Variants in ATP2C2 observed in about 807,000 individuals in gnomAD.
ATP2C2 encodes ATPase secretory pathway Ca2+ transporting 2, also known as calcium-transporting ATPase type 2C member 2.
In ATP2C2, 171 loss-of-function variants were observed where a neutral mutation model predicts 110.8. That is an observed-to-expected ratio of 1.54 (90% confidence interval 1.36 to 1.75). The LOEUF (loss-of-function observed/expected upper bound fraction) is 1.75, where lower values mean the gene tolerates loss of function less well. ATP2C2 is among the 40% of genes most tolerant of loss of function. ATP2C2 has a pLI of 0.00. For synonymous variants in ATP2C2, 804 were observed against 508.4 expected (o/e 1.58, Z -7.82); for missense variants, 1,963 against 1,235.0 (o/e 1.59, Z -8.84).
At chr16:84,396,967 C>A (rs145971369) in intron 1 of ATP2C2, among the ~76,000 whole-genome samples, 1 of 151,714 alleles carries the variant, frequency 6.6e-6, no homozygotes, top group Non-Finnish European at 1.5e-5. Flanking sequence ...TTGGGGAGGG[C>A]GGCTGTCAAG....
rs201509217 is a variant in ATP2C2 at position 84,452,063 on chromosome 16, G to T, written c.1803G>T (p.Gly601=). ...ESGVSVKMIT[G]DALETALAIG... is the part of the protein sequence containing the mutation. The stretch of plus-strand genomic sequence containing the variant: ...GTGTGTCTGTGAAGATGATAACGGG[G>T]GATGCCCTGGAGACGGCCTTGGCCA... Residue 601 remains glycine, a synonymous_variant, in exon 18 of 27, where the codon GGG becomes GGT. Coordinates refer to ENST00000262429, the MANE Select transcript of ATP2C2 (RefSeq NM_014861.4). 73 of 1,613,990 alleles carry T rather than the reference G, an allele frequency of 4.5e-5. No homozygotes were observed. Among genetic ancestry groups the T allele is most frequent in the Non-Finnish European group, 5.8e-5 (68 of 1,180,010 alleles).
intron 7 of ATP2C2, among the ~76,000 whole-genome samples, chr16:84,421,448 C>G (rs925072634): frequency 5.3e-5 from 8 of 152,012 alleles, no homozygotes; most frequent in African/African-American, 1.9e-4. Context: ...GTCGCAGGTC[C>G]CTGTTTGAGA....
At chr16:84,450,117 C>A (rs887403857) in intron 17 of ATP2C2, among the ~76,000 whole-genome samples, 2 of 152,214 alleles carry the variant, frequency 1.3e-5, no homozygotes, top group Admixed American at 6.5e-5. Flanking sequence ...GGGTCAGTGG[C>A]GGAGGAGCAG....
At chr16:84,370,183 G>A (rs1909870164) in intron 1 of ATP2C2, among the ~76,000 whole-genome samples, 2 of 152,210 alleles carry the variant, frequency 1.3e-5, no homozygotes, top group Non-Finnish European at 2.9e-5. Flanking sequence ...GGGAGAGTTT[G>A]ATCTCTGTGC....
chr16:84,387,190 G>A (rs2151404906), intron 1 of ATP2C2, among the ~76,000 whole-genome samples: 1 of 152,234 alleles, frequency 6.6e-6, no homozygotes, highest in Middle Eastern at 3.4e-3. Flanking sequence ...TCTCCTGGAG[G>A]GCTTGCATGT....
In ATP2C2 at chr16:84,461,783, CTCT is replaced by C. The variant is rs1911372845; in HGVS notation, c.2554_2556del (p.Phe852del). ...GTTCACTTGTTTTGTGTTTTTCGAT[CTCT>C]TCAACGCCTTGACCTGCCGCTCTCA... On this transcript the variant is annotated inframe_deletion, in exon 25 of 27. Transcript: ENST00000262429. The C allele has an allele frequency of 2.5e-6, 4 of 1,614,088 alleles. No individual in the cohort carries two copies. Among genetic ancestry groups the C allele is most frequent in the Middle Eastern group, 1.6e-4 (1 of 6,084 alleles).
At chr16:84,412,558 GTGTGTGTGTGTA>G (rs1307157560) in intron 6 of ATP2C2, among the ~76,000 whole-genome samples, 9 of 42,558 alleles carry the variant, frequency 2.1e-4, no homozygotes, top group South Asian at 5.2e-4. Context: ...GTGTGTGTGT[GTGTGTGTGTGTA>G]TGTGTGTGTG....
intron 2 of ATP2C2, among the ~76,000 whole-genome samples, chr16:84,404,101 C>T (rs1269147534): frequency 2.6e-5 from 4 of 152,226 alleles, no homozygotes; most frequent in African/African-American, 9.6e-5. Context: ...GTTGTTCAAA[C>T]ATCTCCCTGG....
intron 10 of ATP2C2, among the ~76,000 whole-genome samples, chr16:84,424,367 C>T (rs1395920856): frequency 6.6e-6 from 1 of 152,128 alleles, no homozygotes; most frequent in African/African-American, 2.4e-5. Flanking sequence ...CACCCTCTGC[C>T]TCCTGGGTTA....
Position 84,461,802 on chromosome 16 carries a change from G to C in ATP2C2, c.2570G>C (p.Cys857Ser). The change falls in exon 25 of 27, where the codon TGC (cysteine) becomes TCC (serine). Residue 857 changes from cysteine to serine, a missense_variant. Physicochemically the swap from Cys to Ser is moderately radical, Grantham distance 112 (BLOSUM62 -1). Coordinates refer to ENST00000262429, the MANE Select transcript of ATP2C2 (RefSeq NM_014861.4). ...VFFDLFNALT[C>S]RSQTKLIFEI... is the part of the protein sequence containing the mutation. ...TTCGATCTCTTCAACGCCTTGACCT[G>C]CCGCTCTCAGGTGAGACCCGGGCTG... 1 of 1,614,082 alleles carries C rather than the reference G, an allele frequency of 6.2e-7. No homozygotes were observed. Among genetic ancestry groups the C allele is most frequent in the Non-Finnish European group, 8.5e-7 (1 of 1,179,908 alleles).
At position 84,425,818 on chromosome 16, in the gene ATP2C2, C is replaced by T. The variant is rs1891; in HGVS notation, c.986+17C>T. 27 of 1,613,480 alleles carry T rather than the reference C, an allele frequency of 1.7e-5. No homozygotes were observed. The highest frequency in any genetic ancestry group is 6.7e-5 in the East Asian group (3 of 44,872). ...CGGGGTCAGGTAAGAGTGCTATGGC[C>T]GCCCCTTGCCTTGCCAGGGTGGTCA... is the stretch of plus-strand genomic sequence containing the variant. On this transcript the variant is annotated intron_variant, in intron 11 of 26. Transcript: ENST00000262429.
intron 9 of ATP2C2, 90 bp downstream of exon 9, chr16:84,422,787 G>T: frequency 7.6e-7 from 1 of 1,319,020 alleles, no homozygotes. Context: ...TACTCCTTAG[G>T]AATGAGTGGC....
chr16:84,420,316 G>C (rs184143254), intron 7 of ATP2C2, among the ~76,000 whole-genome samples: 1 of 152,000 alleles, frequency 6.6e-6, no homozygotes, highest in African/African-American at 2.4e-5. Context: ...CTGGCCTATC[G>C]GAGGATATGG....
intron 21 of ATP2C2, 99 bp downstream of exon 21, chr16:84,455,083 G>C: frequency 1.4e-6 from 2 of 1,429,472 alleles, no homozygotes; most frequent in Non-Finnish European, 1.9e-6. Context: ...GGGGGGTCTC[G>C]CGGAGTCCCC....
At chr16:84,433,889 T>A (rs35998160) in intron 11 of ATP2C2, among the ~76,000 whole-genome samples, 32,271 of 152,088 alleles carry the variant, frequency 0.21, 3,776 homozygotes, top group South Asian at 0.26. Flanking sequence ...TGTCCTAACC[T>A]CCCTTGCAGC....
intron 4 of ATP2C2, among the ~76,000 whole-genome samples, chr16:84,409,641 C>CAT (rs1906094558): frequency 6.6e-6 from 1 of 152,028 alleles, no homozygotes; most frequent in African/African-American, 2.4e-5. Context: ...TACAGGTGCC[C>CAT]GCCACCACTC....
At chr16:84,454,666 C>T in intron 20 of ATP2C2, 152 bp from the exon 21 acceptor site, 1 of 782,364 alleles carries the variant, frequency 1.3e-6, no homozygotes, top group Non-Finnish European at 1.9e-6. Flanking sequence ...AAGGGCTCGC[C>T]CAATTCCCAC....
At chr16:84,429,557 G>A (rs1443531984) in intron 11 of ATP2C2, among the ~76,000 whole-genome samples, 1 of 152,148 alleles carries the variant, frequency 6.6e-6, no homozygotes, top group South Asian at 2.1e-4. Flanking sequence ...TCATGTTCAT[G>A]TAGTGTTGGG....
chr16:84,397,480 G>C (rs890760325), intron 1 of ATP2C2, among the ~76,000 whole-genome samples: 8 of 151,096 alleles, frequency 5.3e-5, no homozygotes, highest in African/African-American at 2.0e-4. Flanking sequence ...AGTTCGCTCA[G>C]CCTGGGCAAC....
Sources: gnomAD v4.1 joint callset for allele counts (sites outside exome capture counted in the v4.1 genomes callset) on GRCh38, gnomAD v4.1.1 for gene constraint, MANE v1.5 for transcripts, NCBI Gene and HGNC (gene_info 2026-07-23, HGNC 2026-07-21) for gene names.